BSND: variants seen among roughly 807,000 people sequenced by gnomAD.
BSND encodes barttin CLCNK type accessory subunit beta.
BSND carries 13 observed loss-of-function variants against 18.8 expected under a neutral mutation model. The observed-to-expected ratio is 0.69, with a 90% CI of 0.45 to 1.10. BSND has a LOEUF of 1.10. BSND is among the 50% of genes least tolerant of loss of function. The probability of loss-of-function intolerance (pLI) is 0.00; values close to 1 mark genes in which losing one functional copy is unlikely to be tolerated. For synonymous variants in BSND, 170 were observed against 161.8 expected, an observed-to-expected ratio of 1.05 and a Z score of -0.39; for missense variants, 379 against 416.7, an observed-to-expected ratio of 0.91 and a Z score of 0.79.
intron 2 of BSND, among the ~76,000 whole-genome samples, chr1:55,005,463 C>T (rs1401822563): frequency 6.6e-6 from 1 of 152,226 alleles, no homozygotes; most frequent in Non-Finnish European, 1.5e-5. Context: ...TACTGACAAA[C>T]AAGAGGCATG....
chr1:55,014,342 G>T lies in BSND; in HGVS notation c.*5714G>T, dbSNP rs1226264061. Among the ~76,000 whole-genome samples, 1 of 152,188 alleles carries T rather than the reference G, an allele frequency of 6.6e-6. No individual in the cohort carries two copies. The highest frequency in any genetic ancestry group is 6.5e-5 in the Admixed American group (1 of 15,284). Reference sequence around the variant, plus strand: ...CCTACTGGCCAGCTCTGTGACTTTGGCCAGGAGACTTAGCCTCTCTGGCCC... The same window carrying T: ...CCTACTGGCCAGCTCTGTGACTTTGTCCAGGAGACTTAGCCTCTCTGGCCC... On this transcript the variant is annotated 3_prime_UTR_variant, in exon 4 of 4. Transcript: ENST00000651561.
rs1644440776 is a variant in BSND, at chr1:55,014,632, T to C, written c.*6004T>C. Among the ~76,000 whole-genome samples, 2 of 152,336 alleles carry C rather than the reference T, an allele frequency of 1.3e-5. No homozygotes were observed. The highest frequency in any genetic ancestry group is 4.1e-4 in the South Asian group (2 of 4,828). On this transcript the variant is annotated 3_prime_UTR_variant, in exon 4 of 4. Transcript: ENST00000651561. The stretch of plus-strand genomic sequence containing the variant: ...TATAATTCGAGCTTTGTATCGTCAG[T>C]GCTTCCAAGTGCCTGTCAATGGACC...
Position 55,007,216 on chromosome 1 carries a change from C to T in BSND, c.492C>T (p.Ile164=), listed in dbSNP as rs1433749503. The change falls in exon 3 of 4, where the codon ATC becomes ATT. Residue 164 remains isoleucine, a synonymous_variant. Transcript: ENST00000651561. The part of the protein sequence containing the change: ...VQAWMEAAVV[I]HKGSDESEGE... ...CCTGGATGGAGGCTGCCGTGGTCATCCACAAGGGCTCAGACGAGAGTGAAG... is the reference window on the plus strand; with the variant it reads ...CCTGGATGGAGGCTGCCGTGGTCATTCACAAGGGCTCAGACGAGAGTGAAG... The T allele has an allele frequency of 1.2e-6, 2 of 1,613,958 alleles. No homozygotes were observed. Among genetic ancestry groups the T allele is most frequent in the Non-Finnish European group, 1.7e-6 (2 of 1,179,856 alleles).
At chr1:55,007,634 G>T (rs374278159) in intron 3 of BSND, among the ~76,000 whole-genome samples, 46 of 152,140 alleles carry the variant, frequency 3.0e-4, no homozygotes, top group East Asian at 1.9e-3. Context: ...TGCTTGTCGT[G>T]AGTAGCAGGG....
At position 55,011,466 on chromosome 1, in the gene BSND, TG is replaced by T. The variant is rs1644422174; in HGVS notation, c.*2843del. On this transcript the variant is annotated 3_prime_UTR_variant, in exon 4 of 4. Transcript: ENST00000651561. The stretch of plus-strand genomic sequence containing the variant: ...GCATATCTTGGAATCTTGGAAGTGA[TG>T]GGGGTGTTTGATGGGACCTATCTTG... 1.3e-5 allele frequency: 2 copies of T among 152,164 alleles called. No homozygotes were observed. Among genetic ancestry groups the T allele is most frequent in the Non-Finnish European group, 2.9e-5 (2 of 68,036 alleles). The allele number at this position is 152,164 out of a possible 1,614,324, so 9.4% of individuals were successfully genotyped here.
chr1:55,007,352 G>T (rs1557485495), intron 3 of BSND, 80 bp downstream of exon 3: 6 of 1,390,232 alleles, frequency 4.3e-6, no homozygotes, highest in East Asian at 2.5e-5. Context: ...CCGCCGAGGG[G>T]TGGGTGGGGA....
rs546518639 is a variant in BSND, at chr1:55,012,916, T to G, written c.*4288T>G. 6.6e-6 allele frequency among the ~76,000 whole-genome samples: 1 copy of G among 152,320 alleles called. No homozygotes were observed. Among genetic ancestry groups the G allele is most frequent in the East Asian group, 1.9e-4 (1 of 5,174 alleles). Reference sequence around the variant, plus strand: ...GTCAAACAGGGTTCCAGGCAGCTGCTGAGTGTCAGGTGCTTCCCATAAATC... The same window carrying G: ...GTCAAACAGGGTTCCAGGCAGCTGCGGAGTGTCAGGTGCTTCCCATAAATC... On this transcript the variant is annotated 3_prime_UTR_variant, in exon 4 of 4. Transcript: ENST00000651561.
Position 55,013,826 on chromosome 1 carries a change from T to G in BSND, c.*5198T>G, listed in dbSNP as rs940666322. Among the ~76,000 whole-genome samples the G allele has an allele frequency of 6.6e-6, 1 of 152,166 alleles. No individual in the cohort carries two copies. Among genetic ancestry groups the G allele is most frequent in the African/African-American group, 2.4e-5 (1 of 41,428 alleles). On this transcript the variant is annotated 3_prime_UTR_variant, in exon 4 of 4. Transcript: ENST00000651561. ...CCCCATCCAGCTGAATCATCTGCCA[T>G]GTGCTCCCGTGCAGCAGCCCCGGCA...
intron 1 of BSND, among the ~76,000 whole-genome samples, chr1:55,000,492 G>A (rs1644356122): frequency 6.6e-6 from 1 of 152,122 alleles, no homozygotes. Context: ...TGGGGGCCCT[G>A]CTGGACCTAA....
chr1:55,000,354 A>T (rs1443794563), intron 1 of BSND, among the ~76,000 whole-genome samples: 3 of 149,846 alleles, frequency 2.0e-5, no homozygotes, highest in Non-Finnish European at 4.4e-5. Flanking sequence ...GGAAATAGGG[A>T]CTCTAACTTG....
At position 55,010,651 on chromosome 1, in the gene BSND, C is replaced by T. The variant is rs935659671; in HGVS notation, c.*2023C>T. 2 of 152,316 alleles carry T rather than the reference C, an allele frequency of 1.3e-5. No homozygotes were observed. Among genetic ancestry groups the T allele is most frequent in the African/African-American group, 4.8e-5 (2 of 41,442 alleles). The allele number at this position is 152,316 out of a possible 1,614,324, so 9.4% of individuals were successfully genotyped here. On this transcript the variant is annotated 3_prime_UTR_variant, in exon 4 of 4. Coordinates refer to ENST00000651561, the MANE Select transcript of BSND (RefSeq NM_057176.3). ...TTACAAGGTCATGGCCCTGGGAACA[C>T]ACTTCCTTTTCTTTCTGGGTCATTT...
At chr1:55,004,677 CT>C (rs1644380757) in intron 1 of BSND, among the ~76,000 whole-genome samples, 1 of 152,238 alleles carries the variant, frequency 6.6e-6, no homozygotes, top group Non-Finnish European at 1.5e-5. Context: ...CAGGCTTGTG[CT>C]GGGCACTGGA....
At chr1:55,005,459 C>T (rs1644384572) in intron 2 of BSND, among the ~76,000 whole-genome samples, 1 of 152,222 alleles carries the variant, frequency 6.6e-6, no homozygotes, top group Non-Finnish European at 1.5e-5. Flanking sequence ...CTACTACTGA[C>T]AAACAAGAGG....
intron 1 of BSND, among the ~76,000 whole-genome samples, chr1:55,004,725 C>T (rs1644380915): frequency 6.6e-6 from 1 of 152,222 alleles, no homozygotes; most frequent in African/African-American, 2.4e-5. Flanking sequence ...GTGAGCTCCT[C>T]AAGGACAGGG....
chr1:55,001,614 G>A (rs1312997474), intron 1 of BSND, among the ~76,000 whole-genome samples: 1 of 152,100 alleles, frequency 6.6e-6, no homozygotes, highest in African/African-American at 2.4e-5. Context: ...AAATATAAGG[G>A]AATAGAATTA....
At chr1:55,001,751 C>G (rs1644362692) in intron 1 of BSND, among the ~76,000 whole-genome samples, 1 of 152,004 alleles carries the variant, frequency 6.6e-6, no homozygotes, top group Admixed American at 6.6e-5. Context: ...ACAGGCTTCA[C>G]AGAGAAGGTG....
chr1:55,001,915 G>T (rs891765350), intron 1 of BSND, among the ~76,000 whole-genome samples: 5 of 152,226 alleles, frequency 3.3e-5, no homozygotes, highest in Non-Finnish European at 7.3e-5. Flanking sequence ...GGAAGGTAAA[G>T]GTAGCGAGGG....
Position 54,999,145 on chromosome 1 carries a change from C to T in BSND, c.-42C>T. ...TGTTTAGGCTGAACTACAGCCACCC[C>T]CTCTCCCGGGGGTGTGCAGGCCAGG... is the stretch of plus-strand genomic sequence containing the variant. On this transcript the variant is annotated 5_prime_UTR_variant, in exon 1 of 4. Coordinates refer to ENST00000651561, the MANE Select transcript of BSND (RefSeq NM_057176.3). 1.2e-6 allele frequency: 2 copies of T among 1,611,444 alleles called. No individual in the cohort carries two copies. Among genetic ancestry groups the T allele is most frequent in the African/African-American group, 1.3e-5 (1 of 75,034 alleles).
chr1:55,008,778 A>AGG lies in BSND; in HGVS notation c.*153_*154dup. 8.4e-7 allele frequency: 1 copy of AGG among 1,189,228 alleles called. No individual in the cohort carries two copies. The highest frequency in any genetic ancestry group is 1.2e-6 in the Non-Finnish European group (1 of 824,878). The allele number at this position is 1,189,228 out of a possible 1,614,324, so 73.7% of individuals were successfully genotyped here. A position where few individuals can be genotyped will look rare whatever the true frequency, so the allele number is the denominator to read the frequency against. ...GAGAATGGTAAAGAAATACACAGGG[A>AGG]GGGGATGATGACTATTAGTGGACTC... On this transcript the variant is annotated 3_prime_UTR_variant, in exon 4 of 4. Transcript: ENST00000651561.
Sources: allele counts gnomAD v4.1 joint callset (sites outside exome capture counted in the v4.1 genomes callset), GRCh38; gene constraint gnomAD v4.1.1; transcripts MANE v1.5; gene names NCBI Gene and HGNC (gene_info 2026-07-23, HGNC 2026-07-21).